MYO3B: variants seen among roughly 807,000 people sequenced by gnomAD.
MYO3B encodes the protein myosin-IIIb.
In MYO3B, 156 loss-of-function variants were observed where a neutral mutation model predicts 174.6. The ratio of observed to expected loss-of-function variants is 0.89; its 90% CI spans 0.78 to 1.02. The LOEUF (loss-of-function observed/expected upper bound fraction) is 1.02. Among genes scored for constraint, MYO3B ranks in the 50% least tolerant of loss-of-function variants. The pLI, the probability that MYO3B is intolerant of heterozygous loss-of-function variation, is 0.00. For synonymous variants in MYO3B, 563 were observed against 569.1 expected, an observed-to-expected ratio of 0.99 and a Z score of 0.15; for missense variants, 1,632 against 1,639.4, an observed-to-expected ratio of 1.00 and a Z score of 0.08.
chr2:170,250,364 T>G (rs1000709342), intron 7 of MYO3B, among the ~76,000 whole-genome samples: 2 of 152,122 alleles, frequency 1.3e-5, no homozygotes, highest in African/African-American at 4.8e-5. Flanking sequence ...GTCAAAAAAG[T>G]TTGGAGGCCA....
intron 12 of MYO3B, among the ~76,000 whole-genome samples, chr2:170,385,273 G>T (rs2094365615): frequency 6.6e-6 from 1 of 152,130 alleles, no homozygotes; most frequent in African/African-American, 2.4e-5. Context: ...CTTTCTAGAA[G>T]TTGGGAGGTA....
chr2:170,366,891 G>A (rs532933917), intron 8 of MYO3B, among the ~76,000 whole-genome samples: 1 of 152,222 alleles, frequency 6.6e-6, no homozygotes, highest in Admixed American at 6.5e-5. Flanking sequence ...TTTTCATAAG[G>A]CTGGATGGAG....
chr2:170,595,217 G>T (rs1025753052), intron 32 of MYO3B, among the ~76,000 whole-genome samples: 2 of 152,174 alleles, frequency 1.3e-5, no homozygotes, highest in Admixed American at 1.3e-4. Flanking sequence ...AATCACACCA[G>T]GTAGGGGGTG....
chr2:170,222,259 C>A (rs2092909229), intron 6 of MYO3B, among the ~76,000 whole-genome samples: 1 of 152,216 alleles, frequency 6.6e-6, no homozygotes, highest in Admixed American at 6.5e-5. Flanking sequence ...TGAAGGCACT[C>A]ATGGTGCAAC....
intron 22 of MYO3B, among the ~76,000 whole-genome samples, chr2:170,426,338 CTT>C (rs529286958): frequency 1.6e-4 from 21 of 133,780 alleles, no homozygotes; most frequent in East Asian, 2.2e-4. Context: ...GACCTCATCG[CTT>C]TTTTTTTTTT....
intron 32 of MYO3B, among the ~76,000 whole-genome samples, chr2:170,568,314 G>A (rs554304580): frequency 1.3e-5 from 2 of 152,370 alleles, no homozygotes; most frequent in East Asian, 3.9e-4. Context: ...CAGGGGCAGA[G>A]TATGGAAGAA....
intron 7 of MYO3B, chr2:170,332,012 A>T (rs1412417491): frequency 1.3e-5 from 2 of 152,226 alleles, no homozygotes; most frequent in Admixed American, 1.3e-4. Flanking sequence ...TACCTTAATT[A>T]CATAAATAAA....
At chr2:170,182,687 C>T (rs1394720745) in intron 1 of MYO3B, among the ~76,000 whole-genome samples, 1 of 146,584 alleles carries the variant, frequency 6.8e-6, no homozygotes, top group Non-Finnish European at 1.5e-5. Context: ...TCTCAGCTGT[C>T]TGCAACCTAC....
chr2:170,190,738 G>C (rs1369351681), intron 1 of MYO3B, among the ~76,000 whole-genome samples: 1 of 152,004 alleles, frequency 6.6e-6, no homozygotes, highest in African/African-American at 2.4e-5. Context: ...CTCCCTTCAG[G>C]GTAGTAGGCT....
chr2:170,389,813 C>T (rs1380093172), intron 14 of MYO3B, among the ~76,000 whole-genome samples: 1 of 152,082 alleles, frequency 6.6e-6, no homozygotes, highest in East Asian at 1.9e-4. Context: ...CTCATTCAGT[C>T]TATTAGGATG....
At chr2:170,576,776 C>T (rs1365495927) in intron 32 of MYO3B, among the ~76,000 whole-genome samples, 1 of 152,216 alleles carries the variant, frequency 6.6e-6, no homozygotes, top group African/African-American at 2.4e-5. Flanking sequence ...ACTCTATGAT[C>T]TCTTAGCAGG....
At chr2:170,303,395 C>T (rs2093678922) in intron 7 of MYO3B, among the ~76,000 whole-genome samples, 2 of 152,126 alleles carry the variant, frequency 1.3e-5, no homozygotes, top group Non-Finnish European at 2.9e-5. Flanking sequence ...CTCCATCCAT[C>T]TTATGGGTGT....
At chr2:170,645,955 T>A (rs1698334762) in intron 32 of MYO3B, among the ~76,000 whole-genome samples, 1 of 152,212 alleles carries the variant, frequency 6.6e-6, no homozygotes, top group African/African-American at 2.4e-5. Flanking sequence ...ATATGTATCA[T>A]GTTTCTAGCT....
At chr2:170,618,699 C>A (rs1041563245) in intron 32 of MYO3B, among the ~76,000 whole-genome samples, 1 of 151,868 alleles carries the variant, frequency 6.6e-6, no homozygotes, top group African/African-American at 2.4e-5. Context: ...GATATACCAG[C>A]GTTTATTATT....
chr2:170,261,978 A>G (rs1264721595), intron 7 of MYO3B, among the ~76,000 whole-genome samples: 1 of 152,198 alleles, frequency 6.6e-6, no homozygotes, highest in Admixed American at 6.5e-5. Flanking sequence ...AGCTGGGGAG[A>G]TGTAGTGATC....
intron 22 of MYO3B, among the ~76,000 whole-genome samples, chr2:170,414,236 G>A (rs1339610695): frequency 3.9e-5 from 6 of 152,012 alleles, no homozygotes; most frequent in Admixed American, 1.3e-4. Flanking sequence ...CACCCAGGCT[G>A]GAGTGCAATG....
At chr2:170,424,489 T>C (rs988554557) in intron 22 of MYO3B, among the ~76,000 whole-genome samples, 5 of 152,080 alleles carry the variant, frequency 3.3e-5, no homozygotes, top group Non-Finnish European at 7.4e-5. Context: ...TGTTGGTGCG[T>C]GCCTGTGGTC....
intron 25 of MYO3B, among the ~76,000 whole-genome samples, chr2:170,492,698 A>G (rs965659004): frequency 6.6e-6 from 1 of 151,996 alleles, no homozygotes; most frequent in African/African-American, 2.4e-5. Flanking sequence ...AGTCTCTCCT[A>G]CCTGTCTTCT....
At chr2:170,623,608 T>C (rs1396464905) in intron 32 of MYO3B, among the ~76,000 whole-genome samples, 1 of 152,250 alleles carries the variant, frequency 6.6e-6, no homozygotes, top group Non-Finnish European at 1.5e-5. Flanking sequence ...TTGGCTTTTG[T>C]TGCCATTGCT....
Sources: gnomAD v4.1 joint callset for allele counts (sites outside exome capture counted in the v4.1 genomes callset) on GRCh38, gnomAD v4.1.1 for gene constraint, MANE v1.5 for transcripts, NCBI Gene and HGNC (gene_info 2026-07-23, HGNC 2026-07-21) for gene names.